The following ZMYND8 variants were observed in gnomAD, a reference collection of about 807,000 sequenced individuals.
ZMYND8 encodes MYND-type zinc finger-containing chromatin reader ZMYND8.
Under a neutral mutation model 140.8 loss-of-function variants are expected in ZMYND8, and 37 were observed. The observed-to-expected ratio is 0.26, with a 90% CI of 0.20 to 0.35. The LOEUF is 0.35. Among genes scored for constraint, ZMYND8 ranks in the 10% least tolerant of loss-of-function variants. The pLI is 1.00. For synonymous variants in ZMYND8, 592 were observed against 597.1 expected (o/e 0.99, Z 0.12); for missense variants, 1,068 against 1,570.0 (o/e 0.68, Z 5.40).
rs1256938082 is a variant in ZMYND8, at chr20:47,212,529, G to C, written c.3568+113C>G. ...GCAAAGGAAGACCCACAACTCAAAA[G>C]AACAGGAGAAGACACACCCACAAAG... is the stretch of plus-strand genomic sequence containing the variant. On this transcript the variant is annotated intron_variant, in intron 22 of 22. Transcript: ENST00000471951. 2.9e-5 allele frequency: 36 copies of C among 1,235,510 alleles called. No homozygotes were observed. In the Admixed American group the frequency reaches 6.3e-4, roughly 21 times the overall value. The allele number at this position is 1,235,510 out of a possible 1,614,324, so 76.5% of individuals were successfully genotyped here.
At chr20:47,226,848 G>A (rs1355914429) in intron 18 of ZMYND8, among the ~76,000 whole-genome samples, 1 of 151,298 alleles carries the variant, frequency 6.6e-6, no homozygotes, top group African/African-American at 2.4e-5. Flanking sequence ...TTTGTGTAGA[G>A]ATAGGGTTTC....
intron 4 of ZMYND8, among the ~76,000 whole-genome samples, chr20:47,297,690 GC>G (rs2077731558): frequency 6.6e-6 from 1 of 152,150 alleles, no homozygotes; most frequent in Admixed American, 6.5e-5. Flanking sequence ...CTCCCAAAGT[GC>G]TGGGATTACA....
At chr20:47,325,987 A>G (rs1267566022) in intron 2 of ZMYND8, among the ~76,000 whole-genome samples, 1 of 151,170 alleles carries the variant, frequency 6.6e-6, no homozygotes, top group Non-Finnish European at 1.5e-5. Context: ...GAGATGGAGT[A>G]TTGCATGTGG....
At chr20:47,303,353 A>C (rs988652915) in intron 3 of ZMYND8, among the ~76,000 whole-genome samples, 2 of 152,224 alleles carry the variant, frequency 1.3e-5, no homozygotes, top group Admixed American at 1.3e-4. Context: ...GAAAGATAAC[A>C]GTCAGCCGTA....
intron 3 of ZMYND8, among the ~76,000 whole-genome samples, chr20:47,309,069 G>A (rs913840435): frequency 1.3e-5 from 2 of 152,276 alleles, no homozygotes; most frequent in Non-Finnish European, 2.9e-5. Flanking sequence ...CCACTAAAGT[G>A]CCTCTCCATT....
In ZMYND8 at chr20:47,276,442, C is replaced by G. The variant is rs1008294312; in HGVS notation, c.1352G>C (p.Arg451Pro). The change falls in exon 11 of 23, where the codon CGC (arginine) becomes CCC (proline). Residue 451 changes from arginine to proline, a missense_variant. By Grantham distance (103) the Arg-to-Pro change is moderately radical. Transcript: ENST00000471951. Reference sequence around the variant, plus strand: ...AGAAGAGTTTGTGCTCATGGGGGAGCGCGGCATATCCGACAAGGAAATCCG... The same window carrying G: ...AGAAGAGTTTGTGCTCATGGGGGAGGGCGGCATATCCGACAAGGAAATCCG... ...GRRISLSDMP[R>P]SPMSTNSSVH... 3.1e-6 allele frequency: 5 copies of G among 1,614,132 alleles called. No homozygotes were observed. The highest frequency in any genetic ancestry group is 4.2e-6 in the Non-Finnish European group (5 of 1,180,008).
intron 19 of ZMYND8, among the ~76,000 whole-genome samples, chr20:47,223,501 G>A (rs2037280847): frequency 6.6e-6 from 1 of 151,390 alleles, no homozygotes; most frequent in Non-Finnish European, 1.5e-5. Flanking sequence ...GCAAAACTCT[G>A]TCTCAAAATA....
rs1033001705 is a variant in ZMYND8, at chr20:47,345,199, C to T, written c.85+2657G>A. Among the ~76,000 whole-genome samples, 7 of 152,134 alleles carry T rather than the reference C, an allele frequency of 4.6e-5. No homozygotes were observed. The Middle Eastern group carries it at 0.01, about 222-fold the overall frequency. ...ATAATGAAATGACTCCTTCAGACTC[C>T]GTGGCCACCAAAAGCCTCTTTGAGG... On this transcript the variant is annotated intron_variant, in intron 2 of 22. Transcript: ENST00000471951.
intron 2 of ZMYND8, among the ~76,000 whole-genome samples, chr20:47,322,116 C>T (rs1347095541): frequency 2.6e-5 from 4 of 152,092 alleles, no homozygotes; most frequent in South Asian, 4.2e-4. Context: ...CTGCCTCAGC[C>T]GCCCAAAGTG....
chr20:47,222,265 G>A (rs981963368), intron 19 of ZMYND8, among the ~76,000 whole-genome samples: 4 of 152,262 alleles, frequency 2.6e-5, no homozygotes, highest in African/African-American at 9.6e-5. Context: ...GCCGGGTGCG[G>A]CGGCTCATGC....
intron 3 of ZMYND8, among the ~76,000 whole-genome samples, chr20:47,309,100 T>C (rs1003149521): frequency 6.6e-5 from 10 of 152,174 alleles, no homozygotes; most frequent in African/African-American, 1.9e-4. Context: ...GAAGAGTATC[T>C]AGCCTGCCCC....
At chr20:47,282,368 C>A in intron 9 of ZMYND8, 151 bp from the exon 10 acceptor site, 1 of 604,856 alleles carries the variant, frequency 1.7e-6, no homozygotes, top group East Asian at 3.0e-5. Context: ...GTGGTATTCC[C>A]TAAAAGGTAT....
In ZMYND8 at chr20:47,254,272, G is replaced by T. The variant is rs181071199; in HGVS notation, c.1622-4833C>A. 2.4e-3 allele frequency among the ~76,000 whole-genome samples: 359 copies of T among 152,302 alleles called. 2 individuals are homozygous for T. The highest frequency in any genetic ancestry group is 7.2e-3 in the African/African-American group (300 of 41,572). On this transcript the variant is annotated intron_variant, in intron 12 of 22. Coordinates refer to ENST00000471951, the MANE Select transcript of ZMYND8 (RefSeq NM_001281775.3). ...AGGCACGATCTTACATTTCTGGAGGGAGCATAAATCAGAACCACCTCTTTA... is the reference window on the plus strand; with the variant it reads ...AGGCACGATCTTACATTTCTGGAGGTAGCATAAATCAGAACCACCTCTTTA...
chr20:47,228,987 T>C (rs2038099653), intron 17 of ZMYND8, among the ~76,000 whole-genome samples: 1 of 150,120 alleles, frequency 6.7e-6, no homozygotes. Flanking sequence ...TATAAGTAGA[T>C]AGCTTAATTT....
chr20:47,271,648 G>A (rs1211892658), intron 11 of ZMYND8, among the ~76,000 whole-genome samples: 2 of 152,174 alleles, frequency 1.3e-5, no homozygotes, highest in Non-Finnish European at 2.9e-5. Flanking sequence ...TCTAAGGACT[G>A]GCTGTGAGAG....
At chr20:47,277,836 A>T (rs34184047) in intron 10 of ZMYND8, among the ~76,000 whole-genome samples, 25,726 of 151,760 alleles carry the variant, frequency 0.17, 2,248 homozygotes, top group Middle Eastern at 0.21. Context: ...ACGCCCAGCT[A>T]ATTTTTGTAT....
intron 2 of ZMYND8, among the ~76,000 whole-genome samples, chr20:47,313,600 C>G (rs888965506): frequency 3.3e-5 from 5 of 151,432 alleles, no homozygotes; most frequent in Admixed American, 6.6e-5. Flanking sequence ...CCAACCTGGG[C>G]AACAGAGGGG....
chr20:47,280,146 ATGG>A (rs2076519375), intron 10 of ZMYND8, among the ~76,000 whole-genome samples: 2 of 151,150 alleles, frequency 1.3e-5, no homozygotes, highest in African/African-American at 2.4e-5. Context: ...AAAAAAAAGA[ATGG>A]TGGTCAGAGA....
intron 1 of ZMYND8, among the ~76,000 whole-genome samples, chr20:47,349,456 C>G (rs537041280): frequency 6.6e-5 from 10 of 152,288 alleles, no homozygotes; most frequent in South Asian, 6.2e-4. Context: ...AATAATACAA[C>G]GGTGATTTAT....
Sources: gnomAD v4.1 joint callset for allele counts (sites outside exome capture counted in the v4.1 genomes callset) on GRCh38, gnomAD v4.1.1 for gene constraint, MANE v1.5 for transcripts, NCBI Gene and HGNC (gene_info 2026-07-23, HGNC 2026-07-21) for gene names.